The following PSCA variants were observed in gnomAD, a reference collection of about 807,000 sequenced individuals.
PSCA encodes the protein prostate stem cell antigen.
A neutral mutation model predicts 7.9 loss-of-function variants in PSCA; 7 were observed. That is an observed-to-expected ratio of 0.89 (90% CI 0.51 to 1.67). The LOEUF is 1.67. Ranked by LOEUF, PSCA falls within the 40% of genes most tolerant of loss-of-function variation. The pLI is 0.00. For missense variants in PSCA, 151 were observed against 147.9 expected (o/e 1.02, Z -0.11); for synonymous variants, 61 against 68.3 (o/e 0.89, Z 0.53).
At chr8:142,679,683 C>T (rs930480586), upstream of PSCA, among the ~76,000 whole-genome samples, 2 of 152,286 alleles carry the variant, frequency 1.3e-5, no homozygotes, top group East Asian at 1.9e-4. Flanking sequence ...GGTTGGCAAT[C>T]GCTTGCAAGA....
At chr8:142,677,987 G>A (rs1352950410), upstream of PSCA, among the ~76,000 whole-genome samples, 1 of 152,128 alleles carries the variant, frequency 6.6e-6, no homozygotes, top group Non-Finnish European at 1.5e-5. Context: ...GAGTCCCAGG[G>A]AGGTCGGGTC....
At chr8:142,676,756 G>A (rs1189338185), upstream of PSCA, 1 of 152,218 alleles carries the variant, frequency 6.6e-6, no homozygotes, top group East Asian at 1.9e-4. Flanking sequence ...TCAAGACAGG[G>A]GAATCACAAT....
chr8:142,682,331 C>T lies in PSCA; in HGVS notation c.*199C>T, dbSNP rs1554638538. On this transcript the variant is annotated 3_prime_UTR_variant, in exon 3 of 3. Transcript: ENST00000301258. ...TCTCCAGGACTCCCACCCGGCAGAT[C>T]GGCTCTATTGACACAGATCCGCCTG... The T allele has an allele frequency of 1.2e-5, 9 of 734,946 alleles. No individual in the cohort carries two copies. Among genetic ancestry groups the T allele is most frequent in the East Asian group, 2.7e-5 (1 of 37,382 alleles). The allele number at this position is 734,946 out of a possible 1,614,324, so 45.5% of individuals were successfully genotyped here. A position where few individuals can be genotyped will look rare whatever the true frequency, so the allele number is the denominator to read the frequency against.
chr8:142,680,177 A>G, upstream of PSCA: 1 of 289,676 alleles, frequency 3.5e-6, no homozygotes, highest in Non-Finnish European at 6.7e-6. Flanking sequence ...CGAGGCCTGG[A>G]GGAGTCTGGA....
chr8:142,675,844 A>G (rs1554637778), upstream of PSCA: 1 of 152,236 alleles, frequency 6.6e-6, no homozygotes, highest in African/African-American at 2.4e-5. Flanking sequence ...TTTCCTCCTG[A>G]TCTGCAAGGG....
upstream of PSCA, among the ~76,000 whole-genome samples, chr8:142,676,828 C>T (rs587675363): frequency 2.0e-4 from 31 of 152,356 alleles, no homozygotes; most frequent in African/African-American, 7.0e-4. Flanking sequence ...TATTATCACT[C>T]ACATCAGCCT....
chr8:142,680,560 C>G lies in PSCA; in HGVS notation c.22C>G (p.Pro8Ala), dbSNP rs1554638200. MAGLALQ[P>A]GTALLCYSCK... Reference sequence around the variant, plus strand: ...GTTGATGGCAGGCTTGGCCCTGCAGCCAGGTGAGGCCTTGGCTGGCCCCCA... The same window carrying G: ...GTTGATGGCAGGCTTGGCCCTGCAGGCAGGTGAGGCCTTGGCTGGCCCCCA... The change falls in exon 1 of 3, where the codon CCA becomes GCA. Residue 8 changes from proline to alanine, a missense_variant. Transcript: ENST00000301258. The G allele has an allele frequency of 1.3e-6, 2 of 1,553,952 alleles. No individual in the cohort carries two copies. Among genetic ancestry groups the G allele is most frequent in the Admixed American group, 3.9e-5 (2 of 51,252 alleles).
chr8:142,674,279 T>A (rs1336293702), intron 1 of PSCA, among the ~76,000 whole-genome samples: 2 of 140,788 alleles, frequency 1.4e-5, no homozygotes, highest in African/African-American at 5.6e-5. Flanking sequence ...ATCTTCCTAA[T>A]GAATAACGGC....
chr8:142,681,396 G>T lies in PSCA; in HGVS notation c.95G>T (p.Cys32Phe). Residue 32 changes from cysteine to phenylalanine, a missense_variant, in exon 2 of 3, where the codon TGC becomes TTC. Coordinates refer to ENST00000301258, the MANE Select transcript of PSCA (RefSeq NM_005672.5). ...GAGGACTGCCTGCAGGTGGAGAACT[G>T]CACCCAGCTGGGGGAGCAGTGCTGG... ...SNEDCLQVENCTQLGEQCWTA... is the reference protein window; with the variant it reads ...SNEDCLQVENFTQLGEQCWTA... The T allele has an allele frequency of 6.3e-7, 1 of 1,593,614 alleles. No individual in the cohort carries two copies.
rs782159270 is a variant in PSCA, at chr8:142,682,158, A to G, written c.*26A>G. 1 of 1,582,058 alleles carries G rather than the reference A, an allele frequency of 6.3e-7. No individual in the cohort carries two copies. Among genetic ancestry groups the G allele is most frequent in the Non-Finnish European group, 8.5e-7 (1 of 1,170,822 alleles). On this transcript the variant is annotated 3_prime_UTR_variant, in exon 3 of 3. Coordinates refer to ENST00000301258, the MANE Select transcript of PSCA (RefSeq NM_005672.5). ...GCTCTGGGGGGCCCCGCTGCAGCCCACACTGGGTGTGGTGCCCCAGGCCTC... is the reference window on the plus strand; with the variant it reads ...GCTCTGGGGGGCCCCGCTGCAGCCCGCACTGGGTGTGGTGCCCCAGGCCTC...
Position 142,673,153 on chromosome 8 carries a change from G to C in PSCA, n.261+2585G>C, listed in dbSNP as rs1847355009. On this transcript the variant is annotated intron_variant and non_coding_transcript_variant, in intron 1 of 1. Transcript: ENST00000505305. The surrounding 1 kb of genome is among the most constrained non-coding windows in gnomAD (Gnocchi z 4.6). ...CTTTGTTAGAAAAGAAAATGATTTG[G>C]AGCCTGCTTTTCATTAAAAGGAAAA... is the stretch of plus-strand genomic sequence containing the variant. Among the ~76,000 whole-genome samples, 1 of 152,168 alleles carries C rather than the reference G, an allele frequency of 6.6e-6. No homozygotes were observed. Among genetic ancestry groups the C allele is most frequent in the South Asian group, 2.1e-4 (1 of 4,824 alleles).
In PSCA at chr8:142,681,431, A is replaced by C. The variant is rs782677323; in HGVS notation, c.130A>C (p.Ile44Leu). The C allele has an allele frequency of 6.3e-7, 1 of 1,586,610 alleles. No homozygotes were observed. The highest frequency in any genetic ancestry group is 8.6e-7 in the Non-Finnish European group (1 of 1,166,838). Residue 44 changes from isoleucine to leucine, a missense_variant, in exon 2 of 3, where the codon ATC (isoleucine) becomes CTC (leucine). Transcript: ENST00000301258. ...GGGGGAGCAGTGCTGGACCGCGCGC[A>C]TCCGTGAGTGGGGGGACGACAGCCG... The part of the protein sequence containing the change: ...QLGEQCWTAR[I>L]RAVGLLTVIS...
chr8:142,672,645 A>G (rs954710886), intron 1 of PSCA, among the ~76,000 whole-genome samples: 10 of 152,202 alleles, frequency 6.6e-5, no homozygotes, highest in African/African-American at 2.2e-4. Context: ...CCTGGGGTTC[A>G]TTGTCTCACA....
At chr8:142,680,811 G>A (rs782622350) in intron 1 of PSCA, 2 of 591,248 alleles carry the variant, frequency 3.4e-6, no homozygotes, top group African/African-American at 1.9e-5. Context: ...CTTCACCACC[G>A]TGGGGCAGGG....
intron 1 of PSCA, among the ~76,000 whole-genome samples, chr8:142,671,156 G>A (rs368306309): frequency 1.8e-4 from 28 of 152,282 alleles, no homozygotes; most frequent in African/African-American, 4.8e-4. Flanking sequence ...CAGAGCCCAC[G>A]GGTTCAGATA....
upstream of PSCA, chr8:142,680,470 A>T (rs782079309): frequency 2.0e-6 from 3 of 1,537,880 alleles, no homozygotes; most frequent in South Asian, 2.4e-5. Flanking sequence ...GAGGCCATAT[A>T]AAGTCACCTG....
At chr8:142,678,149 G>C (rs1847419580), upstream of PSCA, among the ~76,000 whole-genome samples, 1 of 152,178 alleles carries the variant, frequency 6.6e-6, no homozygotes, top group Non-Finnish European at 1.5e-5. Context: ...CCTGCTGGGA[G>C]AGGGTCCGAT....
At chr8:142,670,332 G>C (rs1416739369) in exon 1 of PSCA, 1 of 152,358 alleles carries the variant, frequency 6.6e-6, no homozygotes, top group East Asian at 1.9e-4. Flanking sequence ...CGCTGAAGGC[G>C]TTGGGGCTCC....
At chr8:142,671,682 G>C (rs1847329853) in intron 1 of PSCA, among the ~76,000 whole-genome samples, 1 of 152,162 alleles carries the variant, frequency 6.6e-6, no homozygotes, top group Non-Finnish European at 1.5e-5. Context: ...CCCCAGAGTA[G>C]CTGGGACTAC....
Sources: gnomAD v4.1 joint callset for allele counts (sites outside exome capture counted in the v4.1 genomes callset) on GRCh38, gnomAD v4.1.1 for gene constraint, Gnocchi (gnomAD v3.1) non-coding constraint, MANE v1.5 for transcripts, NCBI Gene and HGNC (gene_info 2026-07-23, HGNC 2026-07-21) for gene names.